Variants in ANXA4 observed in about 807,000 individuals in gnomAD.
The protein encoded by ANXA4 is annexin A4.
In ANXA4, 39 loss-of-function variants were observed where a neutral mutation model predicts 49.8. That is an observed-to-expected ratio of 0.78 (90% CI 0.61 to 1.02). The LOEUF is 1.02. Among genes scored for constraint, ANXA4 ranks in the 50% least tolerant of loss-of-function variants. ANXA4 has a pLI of 0.00. For synonymous variants in ANXA4, 134 were observed against 152.5 expected (o/e 0.88, Z 0.89); for missense variants, 360 against 410.1 (o/e 0.88, Z 1.05).
At chr2:69,647,989 A>T (rs1676074863) in intron 1 of ANXA4, among the ~76,000 whole-genome samples, 1 of 152,238 alleles carries the variant, frequency 6.6e-6, no homozygotes, top group Admixed American at 6.5e-5. Flanking sequence ...GTAGCAGATG[A>T]ACATGTATGG....
intron 2 of ANXA4, among the ~76,000 whole-genome samples, chr2:69,656,319 ATATGTATATATATGTGTATATATATGTG>A (rs1676468777): frequency 1.9e-5 from 2 of 105,614 alleles, no homozygotes; most frequent in African/African-American, 1.2e-4. Flanking sequence ...ATATGTATAT[ATATGTATATATATGTGTATATATATGTG>A]TATATATGTG....
At chr2:69,727,510 AT>A (rs11365047) in intron 3 of ANXA4, among the ~76,000 whole-genome samples, 2,892 of 150,070 alleles carry the variant, frequency 0.019, 97 homozygotes, top group African/African-American at 0.067. Context: ...CAAGTTGAGC[AT>A]TTTTTTTTAA....
At chr2:69,776,765 C>A (rs549193641) in intron 1 of ANXA4, among the ~76,000 whole-genome samples, 1 of 152,266 alleles carries the variant, frequency 6.6e-6, no homozygotes, top group African/African-American at 2.4e-5. Context: ...TGCAAAAAAT[C>A]TCATAATGTT....
In ANXA4 at chr2:69,763,449, GT is replaced by G. The variant is rs146275241; in HGVS notation, c.-46-18069del. ...CACGTGGGCAAATAGAGGTGGTGAT[GT>G]TGTGTTTTTAGAGCCAGAAGGAAAG... On this transcript the variant is annotated intron_variant, in intron 1 of 12. Transcript: ENST00000394295. Among the ~76,000 whole-genome samples, 834 of 152,228 alleles carry G rather than the reference GT, an allele frequency of 5.5e-3. 8 individuals are homozygous for G. Among genetic ancestry groups the G allele is most frequent in the African/African-American group, 0.019 (806 of 41,538 alleles).
intron 2 of ANXA4, among the ~76,000 whole-genome samples, chr2:69,718,689 A>T (rs765706789): frequency 2.6e-5 from 4 of 152,112 alleles, no homozygotes; most frequent in Admixed American, 6.5e-5. Context: ...ACGTATACAC[A>T]TGCATGCATG....
At chr2:69,768,325 C>G (rs1671575513) in intron 1 of ANXA4, among the ~76,000 whole-genome samples, 3 of 152,338 alleles carry the variant, frequency 2.0e-5, no homozygotes, top group African/African-American at 7.2e-5. Context: ...AAGGCCAGCT[C>G]TCCTGATGGT....
Position 69,822,666 on chromosome 2 carries a change from C to T in ANXA4, c.906+1845C>T, listed in dbSNP as rs367972584. Among the ~76,000 whole-genome samples, 7 of 151,990 alleles carry T rather than the reference C, an allele frequency of 4.6e-5. No individual in the cohort carries two copies. The East Asian group carries it at 7.7e-4, about 17-fold the overall frequency. On this transcript the variant is annotated intron_variant, in intron 12 of 12. Transcript: ENST00000394295. Reference sequence around the variant, plus strand: ...CTACGTGCAATAAATCAGACACAAACGGACAAATATTGTATGATTCTGCTT... The same window carrying T: ...CTACGTGCAATAAATCAGACACAAATGGACAAATATTGTATGATTCTGCTT...
chr2:69,720,978 A>G (rs1669797389), intron 3 of ANXA4: 1 of 152,262 alleles, frequency 6.6e-6, no homozygotes, highest in African/African-American at 2.4e-5. Context: ...GTTGGCCCAA[A>G]TGATTTTTAA....
chr2:69,805,174 G>C (rs1000093660), intron 4 of ANXA4, among the ~76,000 whole-genome samples: 2 of 151,030 alleles, frequency 1.3e-5, no homozygotes, highest in Admixed American at 6.6e-5. Flanking sequence ...TTTAGAATTT[G>C]GTCCATTTTC....
chr2:69,806,281 C>A, intron 4 of ANXA4, 104 bp from the exon 5 acceptor site: 1 of 746,624 alleles, frequency 1.3e-6, no homozygotes, highest in African/African-American at 1.7e-5. Flanking sequence ...TTGCAGGCCC[C>A]TTGAAAGGGT....
Position 69,648,883 on chromosome 2 carries a change from CTTTTCTTT to C in ANXA4, n.481+3983_481+3990del, listed in dbSNP as rs1189753705. ...TTTTAATTTTTAATTTTCTTTCTTT[CTTTTCTTT>C]TTTTTTTTTTTTGAGATGGAGTTTT... On this transcript the variant is annotated intron_variant and non_coding_transcript_variant, in intron 1 of 3. Transcript: ENST00000418066. Among the ~76,000 whole-genome samples, 22 of 105,776 alleles carry C rather than the reference CTTTTCTTT, an allele frequency of 2.1e-4. 1 individual carries two copies. The East Asian group carries it at 7.4e-3, about 36-fold the overall frequency. 69.4% of individuals were successfully genotyped at this position (105,776 alleles called of 152,430 possible).
At chr2:69,741,133 C>T (rs1670382799), upstream of ANXA4, among the ~76,000 whole-genome samples, 1 of 152,178 alleles carries the variant, frequency 6.6e-6, no homozygotes, top group South Asian at 2.1e-4. Flanking sequence ...TTTAATGTTA[C>T]CTCTCCAGCT....
intron 1 of ANXA4, among the ~76,000 whole-genome samples, chr2:69,753,115 A>G (rs988115810): frequency 6.6e-6 from 1 of 152,196 alleles, no homozygotes; most frequent in Admixed American, 6.5e-5. Flanking sequence ...TAAACTAGTT[A>G]TGTACCTGTT....
intron 2 of ANXA4, among the ~76,000 whole-genome samples, chr2:69,656,460 G>A (rs17036909): frequency 0.02 from 2,620 of 131,734 alleles, 470 homozygotes; most frequent in East Asian, 0.17. Context: ...GGTCATAACC[G>A]CTGAACTACT....
chr2:69,749,529 T>C (rs115809993), intron 1 of ANXA4, among the ~76,000 whole-genome samples: 2,937 of 152,250 alleles, frequency 0.019, 37 homozygotes, highest in Non-Finnish European at 0.031. Context: ...AGTAATACTA[T>C]GTAGCTATTA....
intron 1 of ANXA4, among the ~76,000 whole-genome samples, chr2:69,769,746 C>G (rs1162223944): frequency 6.6e-6 from 1 of 152,190 alleles, no homozygotes; most frequent in African/African-American, 2.4e-5. Context: ...TCACTGCAGC[C>G]TCTGCCTCCA....
chr2:69,748,851 T>C (rs1223046612), intron 1 of ANXA4, among the ~76,000 whole-genome samples: 1 of 151,876 alleles, frequency 6.6e-6, no homozygotes, highest in Non-Finnish European at 1.5e-5. Context: ...GCTGGGACTA[T>C]AGGTGCATGC....
At chr2:69,763,783 C>T (rs528315168) in intron 1 of ANXA4, among the ~76,000 whole-genome samples, 1 of 152,058 alleles carries the variant, frequency 6.6e-6, no homozygotes, top group South Asian at 2.1e-4. Flanking sequence ...CTGTCTCAGC[C>T]TCCTGAGTAG....
intron 2 of ANXA4, among the ~76,000 whole-genome samples, chr2:69,698,682 T>G (rs1439531374): frequency 1.3e-5 from 2 of 152,096 alleles, no homozygotes; most frequent in East Asian, 3.9e-4. Flanking sequence ...TGTTACTGTC[T>G]CCATTATGCA....
Sources: allele counts gnomAD v4.1 joint callset (sites outside exome capture counted in the v4.1 genomes callset), GRCh38; gene constraint gnomAD v4.1.1; transcripts MANE v1.5; gene names NCBI Gene and HGNC (gene_info 2026-07-23, HGNC 2026-07-21).